Variants in SAMD5 observed in about 807,000 individuals in gnomAD.
The protein encoded by SAMD5 is sterile alpha motif domain containing 5, also known as sterile alpha motif domain-containing protein 5.
A neutral mutation model predicts 11.3 loss-of-function variants in SAMD5; 13 were observed. That is an observed-to-expected ratio of 1.15 (90% CI 0.75 to 1.83). SAMD5 has a LOEUF of 1.83. Among genes scored for constraint, SAMD5 ranks in the 40% most tolerant of loss-of-function variants. The pLI is 0.00. For synonymous variants in SAMD5, 129 were observed against 111.3 expected, an observed-to-expected ratio of 1.16 and a Z score of -1.00; for missense variants, 255 against 239.1, an observed-to-expected ratio of 1.07 and a Z score of -0.44.
the SAMD5 span, among the ~76,000 whole-genome samples, chr6:147,918,299 C>T: frequency 6.6e-6 from 1 of 152,014 alleles, no homozygotes; most frequent in Non-Finnish European, 1.5e-5. Context: ...AGCTGGATTC[C>T]TAGGTATTTT....
the SAMD5 span, among the ~76,000 whole-genome samples, chr6:147,949,039 TC>T: frequency 6.6e-6 from 1 of 152,172 alleles, no homozygotes; most frequent in African/African-American, 2.4e-5. Flanking sequence ...CATAGGCTTT[TC>T]CCCAGACTTT....
intron 1 of SAMD5, among the ~76,000 whole-genome samples, chr6:147,543,554 G>A (rs1219687358): frequency 1.3e-5 from 2 of 152,322 alleles, no homozygotes; most frequent in East Asian, 3.9e-4. Context: ...ATTTAGGTAT[G>A]TATACTTGAG....
chr6:147,939,100 C>T, the SAMD5 span, among the ~76,000 whole-genome samples: 1 of 152,148 alleles, frequency 6.6e-6, no homozygotes, highest in African/African-American at 2.4e-5. Context: ...AGACACTTTA[C>T]TTACCATTAC....
In SAMD5 at chr6:147,652,472, G is replaced by A. The variant is rs114199998; in HGVS notation, c.163-84845G>A. On this transcript the variant is annotated intron_variant, in intron 1 of 1. Coordinates refer to the SAMD5 transcript ENST00000566741. ...TATTGAACCAAAGCTCAAGGACATT[G>A]AGACACCATGGATCAGTAGCAATCA... is the stretch of plus-strand genomic sequence containing the variant. Among the ~76,000 whole-genome samples, 1,284 of 152,290 alleles carry A rather than the reference G, an allele frequency of 8.4e-3. 16 individuals are homozygous for A. Among genetic ancestry groups the A allele is most frequent in the African/African-American group, 0.029 (1,225 of 41,552 alleles).
intron 1 of SAMD5, among the ~76,000 whole-genome samples, chr6:147,696,495 G>A (rs1023955478): frequency 2.2e-4 from 33 of 152,156 alleles, no homozygotes; most frequent in African/African-American, 8.0e-4. Flanking sequence ...AGCCTGATAG[G>A]ACCAATGGGT....
At chr6:147,770,553 A>T in the SAMD5 span, among the ~76,000 whole-genome samples, 1 of 152,206 alleles carries the variant, frequency 6.6e-6, no homozygotes, top group South Asian at 2.1e-4. Context: ...CTGATATGAA[A>T]TGGGGCTGCC....
chr6:147,720,225 G>A (rs1791527885), intron 1 of SAMD5, among the ~76,000 whole-genome samples: 1 of 152,150 alleles, frequency 6.6e-6, no homozygotes, highest in Non-Finnish European at 1.5e-5. Flanking sequence ...ACTTTGGGAG[G>A]CCAGGGCGGG....
At chr6:147,646,147 A>C (rs1391462907) in intron 1 of SAMD5, among the ~76,000 whole-genome samples, 2 of 152,006 alleles carry the variant, frequency 1.3e-5, no homozygotes, top group Non-Finnish European at 2.9e-5. Context: ...TGCAGTCAAA[A>C]ATTCAAGTAT....
chr6:147,524,354 T>C (rs1206826785), intron 1 of SAMD5, among the ~76,000 whole-genome samples: 2 of 152,068 alleles, frequency 1.3e-5, no homozygotes, highest in Non-Finnish European at 2.9e-5. Flanking sequence ...TGATAAATTA[T>C]AGTAACAGTG....
chr6:147,770,293 G>T, the SAMD5 span, among the ~76,000 whole-genome samples: 1 of 152,224 alleles, frequency 6.6e-6, no homozygotes, highest in Admixed American at 6.5e-5. Context: ...TTAGATTGAG[G>T]TCTGTGCAGT....
the SAMD5 span, among the ~76,000 whole-genome samples, chr6:147,896,333 A>G: frequency 6.6e-6 from 1 of 151,446 alleles, no homozygotes. Flanking sequence ...ACAACTAGAA[A>G]TCCCTGAGAT....
the SAMD5 span, among the ~76,000 whole-genome samples, chr6:147,875,642 G>A: frequency 1.3e-5 from 2 of 152,106 alleles, no homozygotes; most frequent in African/African-American, 4.8e-5. Context: ...TGTCCTCACA[G>A]CCACTCCCCA....
chr6:147,566,949 C>T lies in SAMD5; in HGVS notation c.*2493C>T. The T allele has an allele frequency of 1.2e-6, 1 of 864,768 alleles. No homozygotes were observed. The highest frequency in any genetic ancestry group is 1.8e-5 in the African/African-American group (1 of 54,524). 53.6% of individuals were successfully genotyped at this position (864,768 alleles called of 1,614,324 possible). On this transcript the variant is annotated 3_prime_UTR_variant, in exon 2 of 2. Transcript: ENST00000367474. ...TCTGTATCTAAACACCAATAATATACTTAATTTTTGAATATAAAAGAAGTA... is the reference window on the plus strand; with the variant it reads ...TCTGTATCTAAACACCAATAATATATTTAATTTTTGAATATAAAAGAAGTA...
At chr6:147,926,224 A>G in the SAMD5 span, among the ~76,000 whole-genome samples, 1 of 152,182 alleles carries the variant, frequency 6.6e-6, no homozygotes, top group Non-Finnish European at 1.5e-5. Flanking sequence ...TACTGGTTCA[A>G]GTGGTAGCTC....
At chr6:147,952,954 C>A in the SAMD5 span, among the ~76,000 whole-genome samples, 1 of 152,096 alleles carries the variant, frequency 6.6e-6, no homozygotes, top group Admixed American at 6.5e-5. Context: ...CCTCAGAGGA[C>A]TTTTTATATT....
intron 1 of SAMD5, among the ~76,000 whole-genome samples, chr6:147,510,310 G>A (rs1164774562): frequency 6.6e-6 from 1 of 152,204 alleles, no homozygotes; most frequent in African/African-American, 2.4e-5. Flanking sequence ...TTCTAGCTGC[G>A]AGTCTGTTCC....
the SAMD5 span, among the ~76,000 whole-genome samples, chr6:147,907,252 A>G: frequency 2.6e-5 from 4 of 152,184 alleles, no homozygotes; most frequent in Non-Finnish European, 5.9e-5. Context: ...CACGCCTGTA[A>G]TCCCAGCACT....
the SAMD5 span, among the ~76,000 whole-genome samples, chr6:147,807,517 CACTCTGTCTT>C: frequency 1.3e-5 from 2 of 152,260 alleles, no homozygotes; most frequent in Middle Eastern, 3.4e-3. Context: ...AGGAATGAAG[CACTCTGTCTT>C]AGAATTTAGT....
At chr6:147,810,239 A>G in the SAMD5 span, among the ~76,000 whole-genome samples, 1 of 152,186 alleles carries the variant, frequency 6.6e-6, no homozygotes, top group Non-Finnish European at 1.5e-5. Context: ...AATTTCAGAG[A>G]TATTAGTATC....
Sources: allele counts gnomAD v4.1 joint callset (sites outside exome capture counted in the v4.1 genomes callset), GRCh38; gene constraint gnomAD v4.1.1; transcripts MANE v1.5; gene names NCBI Gene and HGNC (gene_info 2026-07-23, HGNC 2026-07-21).